Variants in LHFPL6 observed in about 807,000 individuals in gnomAD.
LHFPL6 encodes LHFPL tetraspan subfamily member 6 protein.
LHFPL6 carries 9 observed loss-of-function variants against 20.6 expected under a neutral mutation model. The observed-to-expected ratio is 0.44, with a 90% CI of 0.26 to 0.76. LHFPL6 has a LOEUF of 0.76. LHFPL6 is among the 30% of genes least tolerant of loss of function. LHFPL6 has a pLI of 0.20. For synonymous variants in LHFPL6, 105 were observed against 98.7 expected (o/e 1.06, Z -0.38); for missense variants, 218 against 253.5 (o/e 0.86, Z 0.95).
At chr13:39,380,983 TA>T (rs1388427148) in intron 2 of LHFPL6, among the ~76,000 whole-genome samples, 3 of 152,130 alleles carry the variant, frequency 2.0e-5, no homozygotes, top group African/African-American at 7.2e-5. Flanking sequence ...TGGTGAGTTG[TA>T]TATTTATTTC....
chr13:39,587,768 A>C (rs969015467), intron 2 of LHFPL6, among the ~76,000 whole-genome samples: 1 of 152,056 alleles, frequency 6.6e-6, no homozygotes, highest in Non-Finnish European at 1.5e-5. Flanking sequence ...ATTGCTGTCC[A>C]TTAGATAGGA....
rs114796630 is a variant in LHFPL6, at chr13:39,351,069, C to T, written c.485-7015G>A. Among the ~76,000 whole-genome samples the T allele has an allele frequency of 3.8e-3, 577 of 152,264 alleles. 1 individual carries two copies. The highest frequency in any genetic ancestry group is 0.013 in the Admixed American group (201 of 15,290). The stretch of plus-strand genomic sequence containing the variant: ...TGTTCAATTAACAATTTGGAGCCTA[C>T]CAAGTGTGACTGTCTGCTTATTTCA... On this transcript the variant is annotated intron_variant, in intron 3 of 3. Transcript: ENST00000379589.
chr13:39,393,186 A>G (rs955216079), intron 2 of LHFPL6, among the ~76,000 whole-genome samples: 5 of 152,212 alleles, frequency 3.3e-5, no homozygotes, highest in African/African-American at 1.2e-4. Flanking sequence ...GAATGACTGT[A>G]TATTTTAAAA....
chr13:39,407,390 T>C (rs1871137189), intron 2 of LHFPL6, among the ~76,000 whole-genome samples: 1 of 152,198 alleles, frequency 6.6e-6, no homozygotes, highest in Non-Finnish European at 1.5e-5. Flanking sequence ...TGATGCAGGC[T>C]AAGGCATTTG....
At chr13:39,408,566 TG>T (rs1871173688) in intron 2 of LHFPL6, among the ~76,000 whole-genome samples, 1 of 152,252 alleles carries the variant, frequency 6.6e-6, no homozygotes, top group South Asian at 2.1e-4. Context: ...TCCCATAATT[TG>T]GGCCGATTCT....
intron 2 of LHFPL6, among the ~76,000 whole-genome samples, chr13:39,457,551 C>A (rs1872599764): frequency 6.6e-6 from 1 of 152,136 alleles, no homozygotes; most frequent in South Asian, 2.1e-4. Context: ...CATACAGGTA[C>A]TTGGGAAAGC....
chr13:39,356,367 A>G (rs1313850029), intron 3 of LHFPL6, among the ~76,000 whole-genome samples: 1 of 152,226 alleles, frequency 6.6e-6, no homozygotes, highest in African/African-American at 2.4e-5. Flanking sequence ...AGATGCAGCA[A>G]AAGAAGTGTT....
intron 2 of LHFPL6, among the ~76,000 whole-genome samples, chr13:39,467,149 C>T (rs935312056): frequency 6.6e-6 from 1 of 152,048 alleles, no homozygotes; most frequent in African/African-American, 2.4e-5. Flanking sequence ...CTTACTGTTC[C>T]CCTTAACTGC....
At chr13:39,364,220 T>C (rs1869953700) in intron 3 of LHFPL6, among the ~76,000 whole-genome samples, 1 of 152,218 alleles carries the variant, frequency 6.6e-6, no homozygotes, top group African/African-American at 2.4e-5. Flanking sequence ...AAACCGGCCC[T>C]GGAAGATCTG....
chr13:39,531,946 A>C (rs1021278170), intron 2 of LHFPL6, among the ~76,000 whole-genome samples: 8 of 152,242 alleles, frequency 5.3e-5, no homozygotes, highest in Middle Eastern at 6.8e-3. Flanking sequence ...CGTGTTTTCA[A>C]GTATAGTTCA....
At chr13:39,406,730 G>T (rs1871120255) in intron 2 of LHFPL6, among the ~76,000 whole-genome samples, 1 of 152,158 alleles carries the variant, frequency 6.6e-6, no homozygotes, top group Non-Finnish European at 1.5e-5. Context: ...TATACATCCA[G>T]ATTTATTAAT....
chr13:39,438,448 T>C (rs1040476679), intron 2 of LHFPL6, among the ~76,000 whole-genome samples: 2 of 152,218 alleles, frequency 1.3e-5, no homozygotes, highest in African/African-American at 4.8e-5. Flanking sequence ...CTTGGCCATA[T>C]GGTAGAAAAG....
chr13:39,376,980 AC>A (rs1410355106), intron 3 of LHFPL6, among the ~76,000 whole-genome samples: 1 of 152,074 alleles, frequency 6.6e-6, no homozygotes, highest in African/African-American at 2.4e-5. Context: ...AGATCATAAA[AC>A]CTAGAAAGGA....
At chr13:39,543,756 A>G (rs1367414372) in intron 2 of LHFPL6, among the ~76,000 whole-genome samples, 2 of 152,198 alleles carry the variant, frequency 1.3e-5, no homozygotes, top group Admixed American at 1.3e-4. Flanking sequence ...GCCAAGTCAC[A>G]AGCTCCTCAG....
intron 2 of LHFPL6, among the ~76,000 whole-genome samples, chr13:39,563,645 G>C (rs1871617551): frequency 6.6e-6 from 1 of 152,094 alleles, no homozygotes; most frequent in Non-Finnish European, 1.5e-5. Flanking sequence ...GGAAATATGG[G>C]ACTCAGAACA....
At chr13:39,494,534 T>C (rs1206889013) in intron 2 of LHFPL6, among the ~76,000 whole-genome samples, 1 of 152,180 alleles carries the variant, frequency 6.6e-6, no homozygotes, top group Non-Finnish European at 1.5e-5. Flanking sequence ...CCCACCATGC[T>C]CATAAACTCT....
chr13:39,351,943 A>G (rs1869579751), intron 3 of LHFPL6, among the ~76,000 whole-genome samples: 1 of 152,188 alleles, frequency 6.6e-6, no homozygotes, highest in South Asian at 2.1e-4. Context: ...GTTGTGATAC[A>G]GGGGGGCTGC....
At chr13:39,499,903 A>G (rs899855118) in intron 2 of LHFPL6, among the ~76,000 whole-genome samples, 3 of 152,214 alleles carry the variant, frequency 2.0e-5, no homozygotes, top group Non-Finnish European at 4.4e-5. Flanking sequence ...GCCTGACACA[A>G]TCACACACAT....
At chr13:39,588,576 C>A (rs891618839) in intron 2 of LHFPL6, among the ~76,000 whole-genome samples, 5 of 152,192 alleles carry the variant, frequency 3.3e-5, no homozygotes, top group African/African-American at 7.2e-5. Context: ...GTATGACACA[C>A]CATCGTTTCA....
Sources: gnomAD v4.1 joint callset for allele counts (sites outside exome capture counted in the v4.1 genomes callset) on GRCh38, gnomAD v4.1.1 for gene constraint, MANE v1.5 for transcripts, NCBI Gene and HGNC (gene_info 2026-07-23, HGNC 2026-07-21) for gene names.